Variants in ATOSA observed in about 807,000 individuals in gnomAD.
ATOSA encodes the protein atos homolog A.
chr15:52,663,623 T>C, the ATOSA span, among the ~76,000 whole-genome samples: 1 of 152,080 alleles, frequency 6.6e-6, no homozygotes, highest in African/African-American at 2.4e-5. Context: ...AACTATTTAA[T>C]CAAAACTGTT....
chr15:52,694,261 G>A, the ATOSA span, among the ~76,000 whole-genome samples: 2 of 151,422 alleles, frequency 1.3e-5, 1 homozygote, highest in South Asian at 4.2e-4. Flanking sequence ...CCTCCTCATG[G>A]GTTCAAATGA....
chr15:52,642,051 A>C, the ATOSA span, among the ~76,000 whole-genome samples: 1 of 152,254 alleles, frequency 6.6e-6, no homozygotes, highest in Non-Finnish European at 1.5e-5. Flanking sequence ...AAGCACAACT[A>C]TTATGATCAA....
chr15:52,611,128 AC>A, the ATOSA span: 1 of 1,612,620 alleles, frequency 6.2e-7, no homozygotes, highest in Non-Finnish European at 8.5e-7. Flanking sequence ...CCCTAGACAT[AC>A]CTGTAGAGAA....
chr15:52,666,114 C>G, the ATOSA span, among the ~76,000 whole-genome samples: 1 of 152,050 alleles, frequency 6.6e-6, no homozygotes, highest in Non-Finnish European at 1.5e-5. Context: ...TTTCTTTTAG[C>G]TTATCTAAAT....
chr15:52,605,318 T>C, the ATOSA span: 96 of 1,092,792 alleles, frequency 8.8e-5, no homozygotes, highest in Middle Eastern at 1.0e-3. Flanking sequence ...AGTGTTTTTG[T>C]TTTTAGACTC....
At chr15:52,674,546 C>T in the ATOSA span, among the ~76,000 whole-genome samples, 2 of 152,170 alleles carry the variant, frequency 1.3e-5, no homozygotes, top group African/African-American at 4.8e-5. Flanking sequence ...CCATGTCATC[C>T]TCTACATATA....
the ATOSA span, chr15:52,605,030 A>T: frequency 2.6e-6 from 2 of 765,788 alleles, no homozygotes; most frequent in Non-Finnish European, 4.1e-6. Flanking sequence ...CTGGAAATTT[A>T]AAGATATTTA....
chr15:52,690,339 C>T, the ATOSA span, among the ~76,000 whole-genome samples: 312 of 152,232 alleles, frequency 2.0e-3, 4 homozygotes, highest in East Asian at 0.013. Flanking sequence ...ATTTAGACTC[C>T]TTGGGTCTTA....
At chr15:52,697,514 T>C in the ATOSA span, among the ~76,000 whole-genome samples, 3 of 152,196 alleles carry the variant, frequency 2.0e-5, no homozygotes, top group African/African-American at 4.8e-5. Context: ...TTAAAAATAA[T>C]TTATCTGAAA....
chr15:52,655,450 G>A, the ATOSA span, among the ~76,000 whole-genome samples: 1 of 152,090 alleles, frequency 6.6e-6, no homozygotes, highest in African/African-American at 2.4e-5. Context: ...ACTACTTCAT[G>A]ATCACAGATC....
the ATOSA span, among the ~76,000 whole-genome samples, chr15:52,635,319 T>TCTG: frequency 6.6e-6 from 1 of 152,192 alleles, no homozygotes; most frequent in Non-Finnish European, 1.5e-5. Context: ...AAAAGCAGAA[T>TCTG]GTAGATCCTT....
At chr15:52,595,227 A>T in the ATOSA span, among the ~76,000 whole-genome samples, 1 of 152,124 alleles carries the variant, frequency 6.6e-6, no homozygotes, top group Non-Finnish European at 1.5e-5. Context: ...TAATTACTTG[A>T]GTTTATAAAT....
At chr15:52,601,204 A>C in the ATOSA span, 2 of 1,325,872 alleles carry the variant, frequency 1.5e-6, no homozygotes, top group East Asian at 2.6e-5. Flanking sequence ...TAAAAAAAAA[A>C]CTGTTAATTT....
chr15:52,593,043 C>T, the ATOSA span, among the ~76,000 whole-genome samples: 1 of 151,934 alleles, frequency 6.6e-6, no homozygotes, highest in Non-Finnish European at 1.5e-5. Flanking sequence ...TATTTAGGAG[C>T]TCCAAGGCAA....
chr15:52,586,214 T>C, the ATOSA span: 1 of 152,170 alleles, frequency 6.6e-6, no homozygotes, highest in African/African-American at 2.4e-5. Context: ...TTGTGGTAAT[T>C]CCTCCTCAAA....
At chr15:52,695,827 G>C in the ATOSA span, among the ~76,000 whole-genome samples, 6 of 152,212 alleles carry the variant, frequency 3.9e-5, no homozygotes, top group Admixed American at 3.3e-4. Flanking sequence ...AGTTAAGGGA[G>C]TTAGCATGTG....
At chr15:52,614,629 C>T in the ATOSA span, among the ~76,000 whole-genome samples, 2 of 151,718 alleles carry the variant, frequency 1.3e-5, no homozygotes, top group African/African-American at 4.8e-5. Flanking sequence ...GGGCAGATCA[C>T]CTGAGGTCGG....
the ATOSA span, among the ~76,000 whole-genome samples, chr15:52,664,209 T>A: frequency 6.6e-6 from 1 of 152,180 alleles, no homozygotes; most frequent in Admixed American, 6.5e-5. Context: ...AAATTCTCAT[T>A]TGCTCTTTAC....
the ATOSA span, among the ~76,000 whole-genome samples, chr15:52,650,169 A>C: frequency 1.7e-4 from 26 of 152,170 alleles, no homozygotes; most frequent in Non-Finnish European, 3.4e-4. Context: ...GTGGTTAGTC[A>C]TATTTAACAA....
Sources: gnomAD v4.1 joint callset for allele counts (sites outside exome capture counted in the v4.1 genomes callset) on GRCh38, gnomAD v4.1.1 for gene constraint, MANE v1.5 for transcripts, NCBI Gene and HGNC (gene_info 2026-07-23, HGNC 2026-07-21) for gene names.